The following KDM2B variants were observed in gnomAD, a reference collection of about 807,000 sequenced individuals.
KDM2B encodes lysine demethylase 2B, also known as lysine-specific demethylase 2B.
In KDM2B, 26 loss-of-function variants were observed where a neutral mutation model predicts 150.0. The observed-to-expected ratio is 0.17, with a 90% CI of 0.13 to 0.24. The LOEUF (loss-of-function observed/expected upper bound fraction) is 0.24. KDM2B is among the 10% of genes least tolerant of loss of function. The pLI, the probability that KDM2B is intolerant of heterozygous loss-of-function variation, is 1.00. For synonymous variants in KDM2B, 734 were observed against 729.5 expected (o/e 1.01, Z -0.10); for missense variants, 1,265 against 1,816.9 (o/e 0.70, Z 5.52).
intron 12 of KDM2B, among the ~76,000 whole-genome samples, chr12:121,485,837 C>T (rs1055360915): frequency 5.9e-5 from 9 of 151,296 alleles, no homozygotes; most frequent in Non-Finnish European, 1.0e-4. Flanking sequence ...AGTGCAGTGG[C>T]GTGATCTCGG....
At chr12:121,579,120 G>A (rs1201561205) in intron 1 of KDM2B, 174 bp from the exon 2 acceptor site, 10 of 704,070 alleles carry the variant, frequency 1.4e-5, no homozygotes, top group Admixed American at 5.8e-5. Context: ...GACAAGGAGA[G>A]GGGCCCGCAC....
At position 121,441,828 on chromosome 12, in the gene KDM2B, G is replaced by C. The variant is rs1292674460; in HGVS notation, c.3284+329C>G. 2.6e-5 allele frequency among the ~76,000 whole-genome samples: 4 copies of C among 152,218 alleles called. No homozygotes were observed. The East Asian group carries it at 5.8e-4, about 22-fold the overall frequency. ...CATGCCCGTTCATCCAAGAGGGTAA[G>C]GCAGAGCTAAGGCCAGAAAGCTGGT... On this transcript the variant is annotated intron_variant, in intron 19 of 22. Coordinates refer to ENST00000377071, the MANE Select transcript of KDM2B (RefSeq NM_032590.5).
chr12:121,515,931 G>C (rs1252547678), intron 9 of KDM2B, among the ~76,000 whole-genome samples: 1 of 152,158 alleles, frequency 6.6e-6, no homozygotes, highest in Non-Finnish European at 1.5e-5. Flanking sequence ...GAGAACCCCA[G>C]TTTCAGTGCT....
the KDM2B span, among the ~76,000 whole-genome samples, chr12:121,422,560 C>T: frequency 6.6e-6 from 1 of 152,216 alleles, no homozygotes; most frequent in African/African-American, 2.4e-5. Context: ...AATCTCTCCC[C>T]ATGAATGGCA....
At chr12:121,434,174 G>A (rs911515267) in intron 22 of KDM2B, among the ~76,000 whole-genome samples, 14 of 151,806 alleles carry the variant, frequency 9.2e-5, no homozygotes, top group African/African-American at 2.7e-4. Context: ...AGTAAGCCCC[G>A]TCATTCATTC....
chr12:121,441,719 C>G (rs1361791218), intron 19 of KDM2B, among the ~76,000 whole-genome samples: 1 of 152,224 alleles, frequency 6.6e-6, no homozygotes, highest in Non-Finnish European at 1.5e-5. Flanking sequence ...AGCCACTGCG[C>G]CCGGCCTCCA....
intron 1 of KDM2B, chr12:121,579,891 C>G: frequency 6.8e-7 from 1 of 1,473,700 alleles, no homozygotes; most frequent in African/African-American, 1.4e-5. Context: ...TATTTTTTTC[C>G]CGGTCCTCTT....
chr12:121,503,201 C>T (rs1884749340), intron 11 of KDM2B, among the ~76,000 whole-genome samples: 1 of 151,846 alleles, frequency 6.6e-6, no homozygotes, highest in South Asian at 2.1e-4. Context: ...TAGTCTCGAA[C>T]TTCTGACCTC....
At chr12:121,544,217 C>T (rs187232486) in intron 6 of KDM2B, among the ~76,000 whole-genome samples, 1 of 151,862 alleles carries the variant, frequency 6.6e-6, no homozygotes, top group East Asian at 1.9e-4. Flanking sequence ...TAGGAGGAGT[C>T]CTGGGAGTTT....
In KDM2B at chr12:121,580,882, T is replaced by G; in HGVS notation, c.30A>C (p.Ala10=). The G allele has an allele frequency of 6.2e-7, 1 of 1,614,004 alleles. No individual in the cohort carries two copies. Among genetic ancestry groups the G allele is most frequent in the Non-Finnish European group, 8.5e-7 (1 of 1,179,918 alleles). The change falls in exon 1 of 23, where the codon GCA becomes GCC. Residue 10 remains alanine, a synonymous_variant. Transcript: ENST00000377071. ...GTCTTTTTCGTGGGGGGTGATCCTCTGCAGATCCCCCCATTTGCGGACCCG... is the reference window on the plus strand; with the variant it reads ...GTCTTTTTCGTGGGGGGTGATCCTCGGCAGATCCCCCCATTTGCGGACCCG... MAGPQMGGS[A]EDHPPRKRHA...
At position 121,520,707 on chromosome 12, in the gene KDM2B, G is replaced by A. The variant is rs60924571; in HGVS notation, c.1047+278C>T. ...AAGAGGCAGGTCCCTGAAATCTCAC[G>A]GTGCTTTCTCAGAGACACTTCCTCT... On this transcript the variant is annotated intron_variant, in intron 9 of 22. Transcript: ENST00000377071. This position sits in a 1 kb window ranked among gnomAD's most constrained non-coding sequence, Gnocchi z 4.5. Among the ~76,000 whole-genome samples the A allele has an allele frequency of 0.1, 15,607 of 152,122 alleles. 1,883 individuals are homozygous for A. The highest frequency in any genetic ancestry group is 0.29 in the African/African-American group (12,068 of 41,470).
the KDM2B span, among the ~76,000 whole-genome samples, chr12:121,415,913 CT>C: frequency 9.2e-6 from 1 of 108,356 alleles, no homozygotes; most frequent in East Asian, 2.9e-4. Flanking sequence ...GTTTTTTGTT[CT>C]GTAAAATTTG....
At chr12:121,556,433 C>T (rs922427244) in intron 4 of KDM2B, among the ~76,000 whole-genome samples, 4 of 152,206 alleles carry the variant, frequency 2.6e-5, no homozygotes, top group African/African-American at 9.7e-5. Flanking sequence ...CTATGTGACA[C>T]ACCAGCTCAC....
the KDM2B span, among the ~76,000 whole-genome samples, chr12:121,412,180 G>C: frequency 3.4e-5 from 5 of 147,010 alleles, no homozygotes; most frequent in African/African-American, 1.0e-4. Flanking sequence ...TCCTGCCTCA[G>C]CCTCCCGACT....
chr12:121,453,454 G>GTTTAGAGCCCCCATC lies in KDM2B; in HGVS notation c.1735-111_1735-110insGATGGGGGCTCTAAA. On this transcript the variant is annotated intron_variant, in intron 12 of 22. Transcript: ENST00000377071. The surrounding 1 kb of genome is among the most constrained non-coding windows in gnomAD (Gnocchi z 6.4). Reference sequence around the variant, plus strand: ...TGTACCCCCAGAAAGACACGATGGGGGCTCTAAACCCCATTCCTCAGAGTG... The same window carrying GTTTAGAGCCCCCATC: ...TGTACCCCCAGAAAGACACGATGGGGTTTAGAGCCCCCATCGCTCTAAACCCCATTCCTCAGAGTG... The GTTTAGAGCCCCCATC allele has an allele frequency of 5.2e-6, 4 of 762,358 alleles. No individual in the cohort carries two copies. The highest frequency in any genetic ancestry group is 8.4e-6 in the Non-Finnish European group (4 of 477,510). 47.2% of individuals were successfully genotyped at this position (762,358 alleles called of 1,614,324 possible). A position where few individuals can be genotyped will look rare whatever the true frequency, so the allele number is the denominator to read the frequency against.
intron 1 of KDM2B, chr12:121,579,989 GAAAAAAAAAA>G (rs35855511): frequency 5.8e-6 from 7 of 1,208,804 alleles, no homozygotes; most frequent in African/African-American, 2.3e-5. Context: ...TACAGATTTG[GAAAAAAAAAA>G]AAAAAAAAAA....
intron 13 of KDM2B, among the ~76,000 whole-genome samples, chr12:121,449,055 G>A (rs1438325993): frequency 6.6e-6 from 1 of 152,186 alleles, no homozygotes; most frequent in Non-Finnish European, 1.5e-5. Flanking sequence ...GGGGGGCACA[G>A]GGTGAAGCAC....
At chr12:121,451,313 T>A (rs1319969344) in intron 13 of KDM2B, among the ~76,000 whole-genome samples, 1 of 152,252 alleles carries the variant, frequency 6.6e-6, no homozygotes, top group Non-Finnish European at 1.5e-5. Flanking sequence ...ATTGTGAGAA[T>A]ACAGTATATA....
chr12:121,500,803 A>C lies in KDM2B; in HGVS notation c.1648-6138T>G, dbSNP rs373981552. On this transcript the variant is annotated intron_variant, in intron 11 of 22. Transcript: ENST00000377071. ...TCTGAAGTAGCTTGAATTGTGTCCC[A>C]AAAAATATGTGTTCAGGCCAGGCAC... 7.7e-3 allele frequency among the ~76,000 whole-genome samples: 1,178 copies of C among 152,310 alleles called. 13 individuals carry two copies. Among genetic ancestry groups the C allele is most frequent in the African/African-American group, 0.025 (1,037 of 41,572 alleles).
Sources: allele counts gnomAD v4.1 joint callset (sites outside exome capture counted in the v4.1 genomes callset), GRCh38; gene constraint gnomAD v4.1.1; non-coding constraint Gnocchi (gnomAD v3.1); transcripts MANE v1.5; gene names NCBI Gene and HGNC (gene_info 2026-07-23, HGNC 2026-07-21).